Variants in MEMO1 observed in about 807,000 individuals in gnomAD.
MEMO1 encodes protein MEMO1.
In MEMO1, 6 loss-of-function variants were observed where a neutral mutation model predicts 45.2. That is an observed-to-expected ratio of 0.13 (90% confidence interval 0.07 to 0.26). The LOEUF (loss-of-function observed/expected upper bound fraction) is 0.26, where lower values mean the gene tolerates loss of function less well. Ranked by LOEUF, MEMO1 falls within the 10% of genes least tolerant of loss-of-function variation. The pLI is 1.00. For synonymous variants in MEMO1, 78 were observed against 124.3 expected (o/e 0.63, Z 2.48); for missense variants, 184 against 370.5 (o/e 0.50, Z 4.13).
At chr2:31,869,666 C>G (rs959060828) in intron 9 of MEMO1, among the ~76,000 whole-genome samples, 182 bp downstream of exon 9, 1 of 151,772 alleles carries the variant, frequency 6.6e-6, no homozygotes, top group Non-Finnish European at 1.5e-5. Flanking sequence ...AACTGTATTC[C>G]AATGATAAAT....
At chr2:31,878,513 T>C (rs1674894219) in intron 8 of MEMO1, among the ~76,000 whole-genome samples, 1 of 152,062 alleles carries the variant, frequency 6.6e-6, no homozygotes, top group African/African-American at 2.4e-5. Context: ...TAAGAAAGCC[T>C]ATGAGTAGAA....
At chr2:31,951,517 G>T (rs1039077869) in intron 2 of MEMO1, among the ~76,000 whole-genome samples, 13 of 139,184 alleles carry the variant, frequency 9.3e-5, no homozygotes, top group Admixed American at 1.5e-4. Flanking sequence ...TCACTTAATG[G>T]TTTTTTTTTT....
chr2:31,868,284 T>G lies in MEMO1; in HGVS notation c.*77A>C. On this transcript the variant is annotated 3_prime_UTR_variant, in exon 10 of 10. Transcript: ENST00000404530. ...CAGAATCCCCCCAAACCAGGACCAGTATCGTGGTAAAGGCTAGGCTGGGAC... is the reference window on the plus strand; with the variant it reads ...CAGAATCCCCCCAAACCAGGACCAGGATCGTGGTAAAGGCTAGGCTGGGAC... 7.4e-7 allele frequency: 1 copy of G among 1,352,684 alleles called. No individual in the cohort carries two copies. Among genetic ancestry groups the G allele is most frequent in the East Asian group, 2.8e-5 (1 of 35,944 alleles). The allele number at this position is 1,352,684 out of a possible 1,614,324, so 83.8% of individuals were successfully genotyped here.
chr2:31,995,632 C>A (rs1672498140), intron 2 of MEMO1, among the ~76,000 whole-genome samples: 1 of 151,586 alleles, frequency 6.6e-6, no homozygotes, highest in South Asian at 2.1e-4. Context: ...GGAACATTCT[C>A]AGTGAACTGT....
In MEMO1 at chr2:31,868,277, G is replaced by T. The variant is rs1047832026; in HGVS notation, c.*84C>A. On this transcript the variant is annotated 3_prime_UTR_variant, in exon 10 of 10. Coordinates refer to ENST00000404530, the MANE Select transcript of MEMO1 (RefSeq NM_001301833.4). Reference sequence around the variant, plus strand: ...GAGGTTTCAGAATCCCCCCAAACCAGGACCAGTATCGTGGTAAAGGCTAGG... The same window carrying T: ...GAGGTTTCAGAATCCCCCCAAACCATGACCAGTATCGTGGTAAAGGCTAGG... 2.0e-5 allele frequency: 26 copies of T among 1,322,006 alleles called. No individual in the cohort carries two copies. Among genetic ancestry groups the T allele is most frequent in the Non-Finnish European group, 2.3e-5 (24 of 1,027,658 alleles). The allele number at this position is 1,322,006 out of a possible 1,614,324, so 81.9% of individuals were successfully genotyped here. A position where few individuals can be genotyped will look rare whatever the true frequency, so the allele number is the denominator to read the frequency against.
intron 4 of MEMO1, among the ~76,000 whole-genome samples, chr2:31,921,406 A>G (rs527747347): frequency 1.3e-5 from 2 of 152,336 alleles, no homozygotes; most frequent in African/African-American, 2.4e-5. Context: ...GTTAAGTTCA[A>G]TTCCTTATTT....
chr2:31,905,761 C>T (rs1263043693), intron 6 of MEMO1, among the ~76,000 whole-genome samples: 3 of 152,204 alleles, frequency 2.0e-5, no homozygotes, highest in African/African-American at 4.8e-5. Flanking sequence ...CACATAGGAA[C>T]ATTTCTATCT....
rs1669123073 is a variant in MEMO1, at chr2:31,969,604, T to TGG, written c.62-26222_62-26221insCC. Among the ~76,000 whole-genome samples the TGG allele has an allele frequency of 2.0e-5, 3 of 149,484 alleles. No homozygotes were observed. The Admixed American group carries it at 2.0e-4, about 10-fold the overall frequency. ...GTGTGTGGGTGTGTGTGTGTGTGTG[T>TGG]GTGTGTGTGTGTGTGTGTGTGTGTG... On this transcript the variant is annotated intron_variant, in intron 2 of 9. Coordinates refer to ENST00000404530, the MANE Select transcript of MEMO1 (RefSeq NM_001301833.4).
At chr2:31,907,338 C>G (rs567761017) in intron 6 of MEMO1, among the ~76,000 whole-genome samples, 3 of 152,186 alleles carry the variant, frequency 2.0e-5, no homozygotes, top group East Asian at 3.9e-4. Flanking sequence ...GATGAGAAAA[C>G]AAATAGGGTG....
At chr2:31,889,769 C>A (rs1185208523) in intron 7 of MEMO1, among the ~76,000 whole-genome samples, 1 of 151,832 alleles carries the variant, frequency 6.6e-6, no homozygotes, top group East Asian at 1.9e-4. Context: ...TCCATAAGTA[C>A]AAAGAAAACA....
intron 6 of MEMO1, among the ~76,000 whole-genome samples, chr2:31,909,592 C>T (rs1680267230): frequency 6.6e-6 from 1 of 151,992 alleles, no homozygotes; most frequent in South Asian, 2.1e-4. Flanking sequence ...TTTTGAAACA[C>T]TGATGAAAGG....
intron 2 of MEMO1, among the ~76,000 whole-genome samples, chr2:31,988,087 T>C (rs992061656): frequency 1.3e-5 from 2 of 152,170 alleles, no homozygotes; most frequent in African/African-American, 2.4e-5. Context: ...TAAGAGTTCT[T>C]GGTTTCTTTT....
chr2:31,969,831 A>G (rs1669170547), intron 2 of MEMO1, among the ~76,000 whole-genome samples: 2 of 151,928 alleles, frequency 1.3e-5, no homozygotes, highest in African/African-American at 2.4e-5. Context: ...TCTGGTCTCA[A>G]GCAATCCTCC....
At chr2:31,910,752 C>T (rs1680442297) in intron 6 of MEMO1, among the ~76,000 whole-genome samples, 1 of 151,874 alleles carries the variant, frequency 6.6e-6, no homozygotes, top group Admixed American at 6.6e-5. Flanking sequence ...CCCAGCTACT[C>T]GAGAGGCTGA....
intron 7 of MEMO1, among the ~76,000 whole-genome samples, chr2:31,888,972 T>C (rs1031176106): frequency 2.0e-5 from 3 of 152,122 alleles, no homozygotes; most frequent in Non-Finnish European, 4.4e-5. Flanking sequence ...ATCTGAAAGA[T>C]GAACATCTTT....
intron 2 of MEMO1, 124 bp from the exon 3 acceptor site, chr2:31,943,507 C>CA (rs1665855558): frequency 1.4e-6 from 1 of 731,002 alleles, no homozygotes; most frequent in African/African-American, 1.7e-5. Context: ...ATAGGATCAT[C>CA]AGTTGGGATG....
chr2:31,986,425 T>G (rs962595617), intron 2 of MEMO1, among the ~76,000 whole-genome samples: 3 of 152,046 alleles, frequency 2.0e-5, no homozygotes, highest in Non-Finnish European at 4.4e-5. Flanking sequence ...TGAGCCGAGG[T>G]TGCGCCACTG....
At chr2:31,921,852 ATG>A in intron 4 of MEMO1, among the ~76,000 whole-genome samples, 1 of 152,200 alleles carries the variant, frequency 6.6e-6, no homozygotes, top group East Asian at 1.9e-4. Flanking sequence ...AAACTAGATT[ATG>A]TGTTATTTGC....
chr2:31,975,607 C>A (rs1339012747), intron 2 of MEMO1, among the ~76,000 whole-genome samples: 1 of 152,116 alleles, frequency 6.6e-6, no homozygotes, highest in African/African-American at 2.4e-5. Context: ...AAGCAGAACA[C>A]TTTAATGATG....
Sources: gnomAD v4.1 joint callset for allele counts (sites outside exome capture counted in the v4.1 genomes callset) on GRCh38, gnomAD v4.1.1 for gene constraint, MANE v1.5 for transcripts, NCBI Gene and HGNC (gene_info 2026-07-23, HGNC 2026-07-21) for gene names.